The following CDKL5 variants were observed in gnomAD, a reference collection of about 807,000 sequenced individuals.
CDKL5 encodes the protein cyclin dependent kinase like 5, also known as cyclin-dependent kinase-like 5.
A neutral mutation model predicts 61.7 loss-of-function variants in CDKL5; 8 were observed. The observed-to-expected ratio is 0.13, with a 90% confidence interval of 0.08 to 0.23. The LOEUF (loss-of-function observed/expected upper bound fraction) is 0.23. CDKL5 is among the 10% of genes least tolerant of loss of function. CDKL5 has a pLI of 1.00. For synonymous variants in CDKL5, 275 were observed against 272.3 expected (o/e 1.01, Z -0.10); for missense variants, 440 against 734.5 (o/e 0.60, Z 4.63).
At chrX:18,447,116 T>C (rs1432581338) in intron 1 of CDKL5, among the ~76,000 whole-genome samples, 1 of 111,428 alleles carries the variant, frequency 9.0e-6, no homozygotes, top group Non-Finnish European at 1.9e-5. Flanking sequence ...TTTTTGGTTG[T>C]CACAATTGGG....
At chrX:18,568,150 A>G (rs1925030649) in intron 4 of CDKL5, among the ~76,000 whole-genome samples, 1 of 112,365 alleles carries the variant, frequency 8.9e-6, no homozygotes, top group South Asian at 3.7e-4. Context: ...AAAAAATCGA[A>G]GTCAAACCAT....
chrX:18,498,860 C>T (rs972784746), intron 1 of CDKL5, among the ~76,000 whole-genome samples: 31 of 111,568 alleles, frequency 2.8e-4, no homozygotes, highest in African/African-American at 1.0e-3. Context: ...ATTTGGCTCA[C>T]TGCATCCTCT....
At chrX:18,427,325 G>T (rs1251572160) in intron 1 of CDKL5, among the ~76,000 whole-genome samples, 1 of 87,788 alleles carries the variant, frequency 1.1e-5, no homozygotes, top group African/African-American at 4.3e-5. Context: ...CGGGGCGGGG[G>T]TTGGGGGGGA....
chrX:18,647,208 G>A (rs1479982189), intron 20 of CDKL5: 1 of 1,208,612 alleles, frequency 8.3e-7, no homozygotes, highest in Non-Finnish European at 1.1e-6. Flanking sequence ...CTTGACTGTT[G>A]AGCCGGGCCT....
At chrX:18,538,729 G>A (rs1251479872) in intron 3 of CDKL5, among the ~76,000 whole-genome samples, 1 of 111,440 alleles carries the variant, frequency 9.0e-6, no homozygotes, top group African/African-American at 3.3e-5. Context: ...AAAATCAGTT[G>A]GGCAGATTTG....
chrX:18,537,262 T>C (rs1180656025), intron 3 of CDKL5, among the ~76,000 whole-genome samples: 1 of 112,118 alleles, frequency 8.9e-6, no homozygotes, highest in Non-Finnish European at 1.9e-5. Context: ...CCTGAAACTT[T>C]TGAATCAGAT....
chrX:18,572,356 T>C (rs185364155), intron 4 of CDKL5, among the ~76,000 whole-genome samples: 1 of 112,267 alleles, frequency 8.9e-6, no homozygotes, highest in East Asian at 2.8e-4. Flanking sequence ...AAGTTGGTAA[T>C]AAATAATAGT....
At chrX:18,506,262 T>C (rs1249497126) in intron 1 of CDKL5, among the ~76,000 whole-genome samples, 1 of 111,308 alleles carries the variant, frequency 9.0e-6, no homozygotes, top group Admixed American at 9.6e-5. Flanking sequence ...AGCCATTTCT[T>C]CAAGGAACCC....
At chrX:18,519,803 A>G (rs1031071574) in intron 3 of CDKL5, among the ~76,000 whole-genome samples, 4 of 112,327 alleles carry the variant, frequency 3.6e-5, no homozygotes, top group African/African-American at 1.3e-4. Context: ...ATGAGTGTAA[A>G]ATACTTTGGA....
At chrX:18,437,566 G>A (rs1276798844) in intron 1 of CDKL5, among the ~76,000 whole-genome samples, 2 of 111,911 alleles carry the variant, frequency 1.8e-5, no homozygotes, top group Non-Finnish European at 3.8e-5. Flanking sequence ...GCTATTTCAT[G>A]TTTTATGAAA....
At chrX:18,485,486 C>G (rs934757951) in intron 1 of CDKL5, among the ~76,000 whole-genome samples, 3 of 111,666 alleles carry the variant, frequency 2.7e-5, no homozygotes, top group African/African-American at 6.5e-5. Flanking sequence ...GCAGTTAGAC[C>G]CCTTCTTCAA....
intron 3 of CDKL5, among the ~76,000 whole-genome samples, chrX:18,554,565 A>G (rs1924530340): frequency 9.3e-6 from 1 of 107,920 alleles, no homozygotes; most frequent in African/African-American, 3.4e-5. Context: ...ACAGGCCCTC[A>G]CCACCACGCC....
intron 4 of CDKL5, among the ~76,000 whole-genome samples, chrX:18,568,668 T>C (rs1925045258): frequency 1.8e-5 from 2 of 111,060 alleles, no homozygotes; most frequent in South Asian, 3.8e-4. Context: ...TCTTCTTCTT[T>C]TTTTATTCCT....
At chrX:18,536,432 GTTTTTTTTTTTTTTTTT>G (rs746308567) in intron 3 of CDKL5, among the ~76,000 whole-genome samples, 11 of 40,543 alleles carry the variant, frequency 2.7e-4, no homozygotes, top group African/African-American at 3.1e-4. Flanking sequence ...TTCAATACAG[GTTTTTTTTTTTTTTTTT>G]TTTTTTTTTT....
At chrX:18,436,897 CAAAAAAAAAA>C (rs60845430) in intron 1 of CDKL5, among the ~76,000 whole-genome samples, 9 of 15,808 alleles carry the variant, frequency 5.7e-4, no homozygotes, top group Admixed American at 1.5e-3. Context: ...ACTCTTGACT[CAAAAAAAAAA>C]AAAAAAAAAA....
chrX:18,641,915 C>T, downstream of CDKL5: 3 of 1,025,126 alleles, frequency 2.9e-6, no homozygotes, highest in Non-Finnish European at 4.1e-6. Flanking sequence ...CGAAATATAG[C>T]CCTGTCCATC....
chrX:18,480,372 A>G (rs1353480032), intron 1 of CDKL5, among the ~76,000 whole-genome samples: 1 of 112,052 alleles, frequency 8.9e-6, no homozygotes, highest in Non-Finnish European at 1.9e-5. Flanking sequence ...TTTTCATCAC[A>G]TCGTATCAAA....
At chrX:18,465,723 T>C (rs1436708751) in intron 1 of CDKL5, among the ~76,000 whole-genome samples, 2 of 111,872 alleles carry the variant, frequency 1.8e-5, no homozygotes, top group Non-Finnish European at 3.8e-5. Context: ...AAAAATTTGT[T>C]AGGATTGGTT....
intron 17 of CDKL5, among the ~76,000 whole-genome samples, chrX:18,626,172 A>G (rs187857120): frequency 6.8e-4 from 74 of 108,585 alleles, no homozygotes; most frequent in African/African-American, 1.7e-3. Context: ...TGCTCAGGCA[A>G]TCCTCCCACC....
Sources: gnomAD v4.1 joint callset for allele counts (sites outside exome capture counted in the v4.1 genomes callset) on GRCh38, gnomAD v4.1.1 for gene constraint, MANE v1.5 for transcripts, NCBI Gene and HGNC (gene_info 2026-07-23, HGNC 2026-07-21) for gene names.